The following ZNF251 variants were observed in gnomAD, a reference collection of about 807,000 sequenced individuals.
ZNF251 encodes zinc finger protein 251.
Under a neutral mutation model 13.5 loss-of-function variants are expected in ZNF251, and 14 were observed. That is an observed-to-expected ratio of 1.04 (90% CI 0.69 to 1.63). The LOEUF (loss-of-function observed/expected upper bound fraction) is 1.63. ZNF251 is among the 40% of genes most tolerant of loss of function. ZNF251 has a pLI of 0.00. For missense variants in ZNF251, 764 were observed against 834.9 expected (o/e 0.92, Z 1.05); for synonymous variants, 287 against 295.2 (o/e 0.97, Z 0.28).
chr8:144,737,628 C>G lies in ZNF251; in HGVS notation c.278-14246G>C, dbSNP rs7016557. 6.0e-3 allele frequency among the ~76,000 whole-genome samples: 914 copies of G among 151,926 alleles called. 10 individuals carry two copies. The highest frequency in any genetic ancestry group is 0.019 in the African/African-American group (790 of 41,444). ...CGGGTGGATCACAAGGTCAGGAGAT[C>G]GAGACCATCCTGGCTAACACGGTGA... On this transcript the variant is annotated intron_variant, in intron 4 of 4. Transcript: ENST00000292562.
intron 4 of ZNF251, among the ~76,000 whole-genome samples, chr8:144,737,067 G>C (rs1823929330): frequency 6.6e-6 from 1 of 151,890 alleles, no homozygotes; most frequent in South Asian, 2.1e-4. Context: ...GCTTCCCAAA[G>C]TGCTGGGATT....
At position 144,723,134 on chromosome 8, in the gene ZNF251, A is replaced by G; in HGVS notation, c.526T>C (p.Leu176=). ...CTACACTCTTGGGTTCTTTCTCCCA[A>G]AGATCTTTCCCTGCCCACGGTAGCT... The part of the protein sequence containing the change: ...TEATVGRERS[L]GERTQECSAF... The change falls in exon 5 of 5, where the codon TTG becomes CTG. Residue 176 remains leucine (L), a synonymous_variant. Transcript: ENST00000292562. 6.2e-7 allele frequency: 1 copy of G among 1,613,704 alleles called. No individual in the cohort carries two copies. Among genetic ancestry groups the G allele is most frequent in the East Asian group, 2.2e-5 (1 of 44,890 alleles).
At chr8:144,732,545 G>A (rs149447980) in intron 4 of ZNF251, among the ~76,000 whole-genome samples, 1,768 of 152,246 alleles carry the variant, frequency 0.012, 11 homozygotes, top group Middle Eastern at 0.041. Flanking sequence ...GGGCGCGGTG[G>A]CTCACGCCTG....
At position 144,734,525 on chromosome 8, in the gene ZNF251, T is replaced by C. The variant is rs943222809; in HGVS notation, c.278-11143A>G. Reference sequence around the variant, plus strand: ...ACTCTACTTGGTGCCGCTGGCCCTGTGGTCCTGGGGCCTGGGGGCCAACCC... The same window carrying C: ...ACTCTACTTGGTGCCGCTGGCCCTGCGGTCCTGGGGCCTGGGGGCCAACCC... On this transcript the variant is annotated intron_variant, in intron 4 of 4. Coordinates refer to ENST00000292562, the MANE Select transcript of ZNF251 (RefSeq NM_138367.2). The surrounding 1 kb of genome is among the most constrained non-coding windows in gnomAD (Gnocchi z 4.4). 1.3e-5 allele frequency among the ~76,000 whole-genome samples: 2 copies of C among 152,238 alleles called. No homozygotes were observed. The highest frequency in any genetic ancestry group is 4.8e-5 in the African/African-American group (2 of 41,468).
chr8:144,721,245 G>T lies in ZNF251; in HGVS notation c.*399C>A. The stretch of plus-strand genomic sequence containing the variant: ...GGCCCAAGTTCTCTGTACCACACTT[G>T]GAGGCAGGTATATGGGACTGAAAGT... On this transcript the variant is annotated 3_prime_UTR_variant, in exon 5 of 5. Transcript: ENST00000292562. 1 of 255,068 alleles carries T rather than the reference G, an allele frequency of 3.9e-6. No homozygotes were observed. The highest frequency in any genetic ancestry group is 6.9e-5 in the East Asian group (1 of 14,400). 15.8% of individuals were successfully genotyped at this position (255,068 alleles called of 1,614,324 possible).
intron 4 of ZNF251, among the ~76,000 whole-genome samples, chr8:144,735,725 G>A (rs969737099): frequency 6.6e-6 from 1 of 152,184 alleles, no homozygotes; most frequent in African/African-American, 2.4e-5. Flanking sequence ...CTGTAGAGTG[G>A]CCCTGGAGAC....
At position 144,721,261 on chromosome 8, in the gene ZNF251, G is replaced by C. The variant is rs113881535; in HGVS notation, c.*383C>G. On this transcript the variant is annotated 3_prime_UTR_variant, in exon 5 of 5. Coordinates refer to ENST00000292562, the MANE Select transcript of ZNF251 (RefSeq NM_138367.2). ...ACCACACTTGGAGGCAGGTATATGG[G>C]ACTGAAAGTGGATGTTCTCAGCCAC... is the stretch of plus-strand genomic sequence containing the variant. 176 of 281,706 alleles carry C rather than the reference G, an allele frequency of 6.2e-4. 1 individual carries two copies. Among genetic ancestry groups the C allele is most frequent in the African/African-American group, 3.7e-3 (173 of 46,258 alleles). 17.5% of individuals were successfully genotyped at this position (281,706 alleles called of 1,614,324 possible).
intron 4 of ZNF251, among the ~76,000 whole-genome samples, chr8:144,751,281 T>C (rs1275322677): frequency 6.6e-6 from 1 of 152,234 alleles, no homozygotes; most frequent in East Asian, 1.9e-4. Context: ...CTAAAGTCCT[T>C]ACATGTCAGA....
chr8:144,738,706 C>A (rs1484859432), intron 4 of ZNF251: 2 of 985,136 alleles, frequency 2.0e-6, no homozygotes, highest in Admixed American at 6.2e-5. Flanking sequence ...CGTGGGGGCA[C>A]CTGTTTGTGG....
intron 4 of ZNF251, among the ~76,000 whole-genome samples, chr8:144,744,617 G>A (rs907918434): frequency 1.3e-5 from 2 of 152,160 alleles, no homozygotes; most frequent in Admixed American, 1.3e-4. Flanking sequence ...GCTCTTATAA[G>A]AAGAGATACC....
chr8:144,726,042 CA>C (rs1368642315), intron 4 of ZNF251, among the ~76,000 whole-genome samples: 2 of 150,846 alleles, frequency 1.3e-5, no homozygotes, highest in East Asian at 3.9e-4. Context: ...ATCAAAAATA[CA>C]AAAATTAGCT....
Position 144,740,940 on chromosome 8 carries a change from C to CA in ZNF251, c.277+12742dup, listed in dbSNP as rs903875042. Among the ~76,000 whole-genome samples the CA allele has an allele frequency of 1.9e-3, 281 of 144,280 alleles. 1 individual carries two copies. The highest frequency in any genetic ancestry group is 6.2e-3 in the African/African-American group (239 of 38,250). 94.7% of individuals were successfully genotyped at this position (144,280 alleles called of 152,430 possible). The stretch of plus-strand genomic sequence containing the variant: ...AAGAGCGAAACTCCGTCTCAAAAAA[C>CA]AAAAAAAAAGAAACAAAAAAAAACC... On this transcript the variant is annotated intron_variant, in intron 4 of 4. Transcript: ENST00000292562.
At chr8:144,724,261 CA>C (rs1175216003) in intron 4 of ZNF251, among the ~76,000 whole-genome samples, 3,476 of 35,918 alleles carry the variant, frequency 0.097, 76 homozygotes, top group African/African-American at 0.23. Flanking sequence ...GACTCCGTCT[CA>C]AAAAAAAAAA....
At chr8:144,740,636 A>T (rs1253732230) in intron 4 of ZNF251, among the ~76,000 whole-genome samples, 2 of 144,976 alleles carry the variant, frequency 1.4e-5, no homozygotes, top group African/African-American at 5.2e-5. Context: ...ACTAAATCTC[A>T]AAAAAAAATA....
At chr8:144,727,059 A>T (rs1423286722) in intron 4 of ZNF251, among the ~76,000 whole-genome samples, 1 of 152,254 alleles carries the variant, frequency 6.6e-6, no homozygotes, top group African/African-American at 2.4e-5. Flanking sequence ...CTCTGAAAAA[A>T]AATTTTTTTT....
At chr8:144,752,901 A>C (rs1038137350) in intron 4 of ZNF251, among the ~76,000 whole-genome samples, 1 of 152,140 alleles carries the variant, frequency 6.6e-6, no homozygotes, top group Non-Finnish European at 1.5e-5. Flanking sequence ...TGACTGTCTC[A>C]GTAGCTGGCA....
rs879536199 is a variant in ZNF251 at position 144,734,045 on chromosome 8, G to A, written c.278-10663C>T. Among the ~76,000 whole-genome samples the A allele has an allele frequency of 2.3e-4, 35 of 152,200 alleles. No homozygotes were observed. Among genetic ancestry groups the A allele is most frequent in the African/African-American group, 6.8e-4 (28 of 41,442 alleles). ...ACGTGCCAGATGCCTAAACTGTGCAGCCTGAATGACTGTTGGGCAGGTAAG... is the reference window on the plus strand; with the variant it reads ...ACGTGCCAGATGCCTAAACTGTGCAACCTGAATGACTGTTGGGCAGGTAAG... On this transcript the variant is annotated intron_variant, in intron 4 of 4. Transcript: ENST00000292562. The surrounding 1 kb of genome is among the most constrained non-coding windows in gnomAD (Gnocchi z 4.4).
intron 4 of ZNF251, among the ~76,000 whole-genome samples, chr8:144,737,700 C>T (rs531165856): frequency 2.4e-4 from 36 of 147,464 alleles, no homozygotes; most frequent in Admixed American, 2.3e-3. Context: ...GGCGTGGTGG[C>T]AGGCGCCTGT....
intron 4 of ZNF251, among the ~76,000 whole-genome samples, chr8:144,729,309 A>G (rs546240001): frequency 2.0e-5 from 3 of 150,808 alleles, no homozygotes; most frequent in Admixed American, 2.0e-4. Flanking sequence ...GCAAGCATAT[A>G]AGATTCCTTT....
Sources: allele counts gnomAD v4.1 joint callset (sites outside exome capture counted in the v4.1 genomes callset), GRCh38; gene constraint gnomAD v4.1.1; non-coding constraint Gnocchi (gnomAD v3.1); transcripts MANE v1.5; gene names NCBI Gene and HGNC (gene_info 2026-07-23, HGNC 2026-07-21).